Variants in RABEPK observed in about 807,000 individuals in gnomAD.
The protein encoded by RABEPK is 40 kDa Rab9 effector protein.
Under a neutral mutation model 34.1 loss-of-function variants are expected in RABEPK, and 27 were observed. The ratio of observed to expected loss-of-function variants is 0.79; its 90% CI spans 0.58 to 1.09. The LOEUF (loss-of-function observed/expected upper bound fraction) is 1.09. Ranked by LOEUF, RABEPK falls within the 50% of genes least tolerant of loss-of-function variation. RABEPK has a pLI of 0.00. For missense variants in RABEPK, 449 were observed against 462.6 expected (o/e 0.97, Z 0.27); for synonymous variants, 172 against 169.2 (o/e 1.02, Z -0.13).
chr9:125,227,933 G>A lies in RABEPK; in HGVS notation c.550G>A (p.Glu184Lys). 5 of 1,605,808 alleles carry A rather than the reference G, an allele frequency of 3.1e-6. No individual in the cohort carries two copies. The highest frequency in any genetic ancestry group is 4.3e-6 in the Non-Finnish European group (5 of 1,175,820). The change falls in exon 6 of 8, where the codon GAG becomes AAG. Residue 184 changes from glutamate (E) to lysine (K), a missense_variant. Physicochemically the swap from Glu to Lys is moderately conservative, Grantham distance 56 (BLOSUM62 1). Transcript: ENST00000373538. Reference sequence around the variant, plus strand: ...AGACACTCTGACCTGGTCACAGCCAGAGACACTTGGAAATCCTCCATCTCC... The same window carrying A: ...AGACACTCTGACCTGGTCACAGCCAAAGACACTTGGAAATCCTCCATCTCC... ...DANTLTWSQP[E>K]TLGNPPSPRH...
At chr9:125,212,011 C>T (rs1331786712) in intron 3 of RABEPK, among the ~76,000 whole-genome samples, 1 of 152,128 alleles carries the variant, frequency 6.6e-6, no homozygotes, top group African/African-American at 2.4e-5. Flanking sequence ...CACTTCTAGC[C>T]CTCAATTACA....
chr9:125,211,462 G>A (rs2080148371), intron 3 of RABEPK, among the ~76,000 whole-genome samples: 1 of 151,912 alleles, frequency 6.6e-6, no homozygotes, highest in African/African-American at 2.4e-5. Context: ...ATCTTAAATT[G>A]TTTACCAACC....
At chr9:125,224,317 TAAG>T (rs1333025834) in intron 5 of RABEPK, among the ~76,000 whole-genome samples, 1 of 152,052 alleles carries the variant, frequency 6.6e-6, no homozygotes, top group African/African-American at 2.4e-5. Context: ...GCTTTGAAGA[TAAG>T]AAGGGTTGCC....
intron 5 of RABEPK, among the ~76,000 whole-genome samples, chr9:125,224,291 A>T (rs1831576973): frequency 6.6e-6 from 1 of 151,866 alleles, no homozygotes; most frequent in Non-Finnish European, 1.5e-5. Flanking sequence ...ATTTTCCAGA[A>T]TTCTATATAT....
At chr9:125,201,547 G>A (rs1280439253) in intron 1 of RABEPK, among the ~76,000 whole-genome samples, 1 of 152,148 alleles carries the variant, frequency 6.6e-6, no homozygotes, top group Non-Finnish European at 1.5e-5. Flanking sequence ...GGAGGCTGAG[G>A]TGGAAGAATT....
chr9:125,223,372 CT>C, intron 5 of RABEPK, among the ~76,000 whole-genome samples: 1 of 152,110 alleles, frequency 6.6e-6, no homozygotes, highest in Non-Finnish European at 1.5e-5. Context: ...AGGAGAATCC[CT>C]TGAACCTGGG....
chr9:125,211,223 C>T (rs1207765126), intron 3 of RABEPK, among the ~76,000 whole-genome samples: 4 of 150,932 alleles, frequency 2.7e-5, no homozygotes, highest in East Asian at 2.1e-4. Flanking sequence ...GGTGATAGGG[C>T]GAGACGCCAT....
In RABEPK at chr9:125,231,771, G is replaced by A. The variant is rs187074016; in HGVS notation, c.677-825G>A. Among the ~76,000 whole-genome samples, 45 of 150,480 alleles carry A rather than the reference G, an allele frequency of 3.0e-4. No homozygotes were observed. The East Asian group carries it at 8.2e-3, about 27-fold the overall frequency. On this transcript the variant is annotated intron_variant, in intron 6 of 7. Coordinates refer to ENST00000373538, the MANE Select transcript of RABEPK (RefSeq NM_005833.4). Reference sequence around the variant, plus strand: ...TGCACTCCAGGCTGGGCAACAGAGCGGAAAAAAAAAGAATAAGAAAGGGGA... The same window carrying A: ...TGCACTCCAGGCTGGGCAACAGAGCAGAAAAAAAAAGAATAAGAAAGGGGA...
intron 5 of RABEPK, among the ~76,000 whole-genome samples, chr9:125,223,018 A>T (rs892508957): frequency 4.0e-5 from 6 of 151,808 alleles, no homozygotes; most frequent in Non-Finnish European, 8.8e-5. Context: ...GCGGTGGCTC[A>T]CGCCTGTAAT....
intron 2 of RABEPK, 78 bp downstream of exon 2, chr9:125,203,144 C>G (rs568076653): frequency 3.1e-6 from 4 of 1,298,366 alleles, no homozygotes; most frequent in Non-Finnish European, 4.4e-6. Context: ...CATATTTGAT[C>G]ATCAACAAAA....
At chr9:125,211,402 G>T (rs1008584722) in intron 3 of RABEPK, among the ~76,000 whole-genome samples, 1 of 151,566 alleles carries the variant, frequency 6.6e-6, no homozygotes, top group Non-Finnish European at 1.5e-5. Flanking sequence ...CACCCACCTC[G>T]GCCTCCCCAA....
At chr9:125,219,022 G>A (rs993941744) in intron 4 of RABEPK, among the ~76,000 whole-genome samples, 1 of 151,602 alleles carries the variant, frequency 6.6e-6, no homozygotes, top group South Asian at 2.1e-4. Flanking sequence ...ATGAGCCACC[G>A]AGCCTGGCTA....
intron 6 of RABEPK, among the ~76,000 whole-genome samples, chr9:125,230,726 A>G (rs1165644358): frequency 2.6e-5 from 4 of 151,370 alleles, no homozygotes; most frequent in East Asian, 4.0e-4. Context: ...TAGTAGAGAC[A>G]GGGTTTCACC....
chr9:125,218,043 A>C (rs1409473692), intron 4 of RABEPK, among the ~76,000 whole-genome samples: 2 of 151,850 alleles, frequency 1.3e-5, no homozygotes, highest in South Asian at 4.1e-4. Context: ...CCGGCGCGGT[A>C]GCTCACGCCT....
At chr9:125,210,849 T>C (rs2131380083) in intron 3 of RABEPK, among the ~76,000 whole-genome samples, 1 of 150,838 alleles carries the variant, frequency 6.6e-6, no homozygotes, top group South Asian at 2.1e-4. Flanking sequence ...GTTTTGTTTT[T>C]TTTTTTGAAA....
chr9:125,223,326 C>G (rs1831492003), intron 5 of RABEPK, among the ~76,000 whole-genome samples: 1 of 10,842 alleles, frequency 9.2e-5, no homozygotes, highest in Non-Finnish European at 1.5e-4. Context: ...GCCTGCCACC[C>G]TCTGCTGCAA....
chr9:125,218,699 G>A (rs1413676131), intron 4 of RABEPK, among the ~76,000 whole-genome samples: 1 of 152,010 alleles, frequency 6.6e-6, no homozygotes, highest in Non-Finnish European at 1.5e-5. Context: ...CATTTCTTAG[G>A]CATGTCACTT....
At chr9:125,201,575 C>G (rs539754898) in intron 1 of RABEPK, among the ~76,000 whole-genome samples, 1 of 151,978 alleles carries the variant, frequency 6.6e-6, no homozygotes, top group African/African-American at 2.4e-5. Flanking sequence ...GCTAGGAGTT[C>G]GAGACCAGCC....
rs574285468 is a variant in RABEPK, at chr9:125,229,113, G to A, written c.676+1054G>A. On this transcript the variant is annotated intron_variant, in intron 6 of 7. Transcript: ENST00000373538. ...TACTAAAAATATAAAAATTAGCCAG[G>A]CGTGGTGGTGCATGCCTGTAATCCC... 9.9e-5 allele frequency among the ~76,000 whole-genome samples: 15 copies of A among 151,898 alleles called. 1 individual carries two copies. In the South Asian group the frequency reaches 2.9e-3, roughly 29 times the overall value.
Sources: allele counts gnomAD v4.1 joint callset (sites outside exome capture counted in the v4.1 genomes callset), GRCh38; gene constraint gnomAD v4.1.1; transcripts MANE v1.5; gene names NCBI Gene and HGNC (gene_info 2026-07-23, HGNC 2026-07-21).